The following GALNTL6 variants were observed in gnomAD, a reference collection of about 807,000 sequenced individuals.
GALNTL6 encodes the protein polypeptide N-acetylgalactosaminyltransferase-like 6.
A neutral mutation model predicts 73.7 loss-of-function variants in GALNTL6; 46 were observed. That is an observed-to-expected ratio of 0.62 (90% CI 0.49 to 0.80). GALNTL6 has a LOEUF of 0.80. GALNTL6 is among the 30% of genes least tolerant of loss of function. GALNTL6 has a pLI of 0.00. For missense variants in GALNTL6, 604 were observed against 755.0 expected (o/e 0.80, Z 2.34); for synonymous variants, 259 against 263.7 (o/e 0.98, Z 0.17).
At chr4:172,207,246 A>C (rs1429868330) in intron 2 of GALNTL6, among the ~76,000 whole-genome samples, 1 of 152,188 alleles carries the variant, frequency 6.6e-6, no homozygotes. Flanking sequence ...TAATTCATTA[A>C]ATATGTTCAA....
chr4:172,115,440 A>G (rs1732961321), intron 2 of GALNTL6, among the ~76,000 whole-genome samples: 1 of 152,190 alleles, frequency 6.6e-6, no homozygotes, highest in Non-Finnish European at 1.5e-5. Context: ...GATTGTAAAG[A>G]GCAAAGAAAG....
chr4:172,185,154 G>A (rs748208723), intron 2 of GALNTL6, among the ~76,000 whole-genome samples: 7 of 152,070 alleles, frequency 4.6e-5, no homozygotes, highest in African/African-American at 9.7e-5. Flanking sequence ...GCTATTACTC[G>A]TTATATAGAG....
intron 2 of GALNTL6, among the ~76,000 whole-genome samples, chr4:172,160,942 G>GTA (rs1734444539): frequency 3.3e-5 from 5 of 149,454 alleles, no homozygotes; most frequent in Non-Finnish European, 5.9e-5. Context: ...ACATACACAT[G>GTA]TATATATATA....
intron 3 of GALNTL6, among the ~76,000 whole-genome samples, chr4:172,258,839 A>G (rs2111031249): frequency 6.6e-6 from 1 of 151,372 alleles, no homozygotes; most frequent in Middle Eastern, 3.4e-3. Context: ...AAGTGAGAAC[A>G]TACAACATTT....
chr4:172,067,289 A>G (rs902335863), intron 2 of GALNTL6, among the ~76,000 whole-genome samples: 3 of 152,064 alleles, frequency 2.0e-5, no homozygotes, highest in Non-Finnish European at 2.9e-5. Context: ...TCTTCTAAAT[A>G]TTGAGGTGAC....
chr4:171,905,345 C>G (rs941547757), intron 2 of GALNTL6, among the ~76,000 whole-genome samples: 1 of 152,016 alleles, frequency 6.6e-6, no homozygotes, highest in African/African-American at 2.4e-5. Flanking sequence ...GGTTGCAATC[C>G]TAGTCTCTGA....
chr4:172,385,040 TTA>T (rs1491203205), intron 5 of GALNTL6, among the ~76,000 whole-genome samples: 2 of 151,132 alleles, frequency 1.3e-5, no homozygotes, highest in East Asian at 3.8e-4. Flanking sequence ...TTTTTTTTTT[TTA>T]CCCATTGGTT....
At chr4:172,780,745 C>T (rs1459031610) in intron 5 of GALNTL6, among the ~76,000 whole-genome samples, 1 of 152,168 alleles carries the variant, frequency 6.6e-6, no homozygotes, top group Non-Finnish European at 1.5e-5. Flanking sequence ...TCTCCTTCCC[C>T]TTAAGAGCAA....
In GALNTL6 at chr4:172,007,574, T is replaced by C. The variant is rs536725372; in HGVS notation, c.138+192856T>C. ...ATCATTCAAAAAGTGAAAAAGAAAA[T>C]TAATTAACAACCTAATTAAAAATCA... On this transcript the variant is annotated intron_variant, in intron 2 of 12. Coordinates refer to ENST00000506823, the MANE Select transcript of GALNTL6 (RefSeq NM_001034845.3). Among the ~76,000 whole-genome samples the C allele has an allele frequency of 9.2e-5, 14 of 151,950 alleles. No individual in the cohort carries two copies. In the South Asian group the frequency reaches 2.9e-3, roughly 32 times the overall value.
chr4:172,691,484 C>T (rs1051705667), intron 5 of GALNTL6, among the ~76,000 whole-genome samples: 2 of 152,186 alleles, frequency 1.3e-5, no homozygotes, highest in Non-Finnish European at 2.9e-5. Context: ...TTACATGACT[C>T]AGACTCTTTA....
At chr4:171,842,777 C>G (rs796891252) in intron 2 of GALNTL6, among the ~76,000 whole-genome samples, 5 of 152,262 alleles carry the variant, frequency 3.3e-5, no homozygotes, top group African/African-American at 1.2e-4. Context: ...CACCTCCCAC[C>G]AGGCCCCACC....
chr4:172,696,867 A>G (rs541055588), intron 5 of GALNTL6, among the ~76,000 whole-genome samples: 1 of 152,356 alleles, frequency 6.6e-6, no homozygotes, highest in East Asian at 1.9e-4. Flanking sequence ...GGAAAGGAAA[A>G]GGAGAGATGT....
intron 2 of GALNTL6, among the ~76,000 whole-genome samples, chr4:171,905,690 G>A (rs937019713): frequency 3.3e-5 from 5 of 150,674 alleles, no homozygotes; most frequent in African/African-American, 7.5e-5. Flanking sequence ...CAGAATATAT[G>A]TTTTTTTCAG....
At position 172,630,800 on chromosome 4, in the gene GALNTL6, A is replaced by AAAGATAAG. The variant is rs1739363789; in HGVS notation, c.554-178561_554-178560insAAGATAAG. ...TAATTAGAGGGAACTTATCTTTCTG[A>AAAGATAAG]TTCCCTCTAATTATATAAAAACAAG... On this transcript the variant is annotated intron_variant, in intron 5 of 12. Transcript: ENST00000506823. Among the ~76,000 whole-genome samples, 3 of 148,616 alleles carry AAAGATAAG rather than the reference A, an allele frequency of 2.0e-5. No homozygotes were observed. In the South Asian group the frequency reaches 6.5e-4, roughly 32 times the overall value.
intron 5 of GALNTL6, among the ~76,000 whole-genome samples, chr4:172,596,669 A>G (rs1259044066): frequency 1.3e-5 from 2 of 152,144 alleles, no homozygotes; most frequent in African/African-American, 4.8e-5. Context: ...CTTTAATTAT[A>G]CTAAATTTCA....
At position 172,456,581 on chromosome 4, in the gene GALNTL6, C is replaced by T. The variant is rs147314918; in HGVS notation, c.553+107892C>T. On this transcript the variant is annotated intron_variant, in intron 5 of 12. Transcript: ENST00000506823. ...CACAAGTATCAATAGCCAAATCGAT[C>T]AAGCAGAAGAAAGGATATCAGAGAT... is the stretch of plus-strand genomic sequence containing the variant. Among the ~76,000 whole-genome samples the T allele has an allele frequency of 8.4e-3, 1,273 of 151,544 alleles. 11 individuals carry two copies. Among genetic ancestry groups the T allele is most frequent in the African/African-American group, 0.029 (1,205 of 41,316 alleles).
At chr4:172,661,321 C>A (rs981044842) in intron 5 of GALNTL6, among the ~76,000 whole-genome samples, 1 of 152,200 alleles carries the variant, frequency 6.6e-6, no homozygotes, top group African/African-American at 2.4e-5. Flanking sequence ...GGTCTCCAGC[C>A]TGCTGGTCAA....
chr4:172,300,884 C>T (rs1204276714), intron 3 of GALNTL6, among the ~76,000 whole-genome samples: 1 of 152,042 alleles, frequency 6.6e-6, no homozygotes, highest in Non-Finnish European at 1.5e-5. Context: ...TTGTGGCATT[C>T]TCTGTATTTC....
intron 2 of GALNTL6, among the ~76,000 whole-genome samples, chr4:172,025,946 G>A (rs1741560064): frequency 6.6e-6 from 1 of 151,850 alleles, no homozygotes; most frequent in Non-Finnish European, 1.5e-5. Flanking sequence ...TATTGACTTG[G>A]AGCTATCATC....
Sources: allele counts gnomAD v4.1 joint callset (sites outside exome capture counted in the v4.1 genomes callset), GRCh38; gene constraint gnomAD v4.1.1; transcripts MANE v1.5; gene names NCBI Gene and HGNC (gene_info 2026-07-23, HGNC 2026-07-21).